The following UBASH3B variants were observed in gnomAD, a reference collection of about 807,000 sequenced individuals.
UBASH3B encodes the protein ubiquitin associated and SH3 domain containing B.
UBASH3B carries 37 observed loss-of-function variants against 83.4 expected under a neutral mutation model. The observed-to-expected ratio is 0.44, with a 90% CI of 0.34 to 0.58. The LOEUF (loss-of-function observed/expected upper bound fraction) is 0.58. Among genes scored for constraint, UBASH3B ranks in the 20% least tolerant of loss-of-function variants. The probability of loss-of-function intolerance (pLI) is 0.01; values close to 1 mark genes in which losing one functional copy is unlikely to be tolerated. For synonymous variants in UBASH3B, 304 were observed against 318.3 expected, an observed-to-expected ratio of 0.96 and a Z score of 0.48; for missense variants, 657 against 827.2, an observed-to-expected ratio of 0.79 and a Z score of 2.52.
intron 1 of UBASH3B, among the ~76,000 whole-genome samples, chr11:122,668,956 C>A (rs1863555988): frequency 6.6e-6 from 1 of 152,132 alleles, no homozygotes; most frequent in African/African-American, 2.4e-5. Flanking sequence ...GCCATCTCCA[C>A]CAAAGTAAAC....
At chr11:122,763,024 A>G (rs759077111) in intron 1 of UBASH3B, among the ~76,000 whole-genome samples, 5 of 152,228 alleles carry the variant, frequency 3.3e-5, no homozygotes, top group Non-Finnish European at 7.3e-5. Context: ...GGCCGTTATT[A>G]CCGCCATTTA....
rs150504773 is a variant in UBASH3B at position 122,701,136 on chromosome 11, C to T, written c.161+44926C>T. On this transcript the variant is annotated intron_variant, in intron 1 of 13. Transcript: ENST00000284273. ...TGGTTGTGTGATTTGTGTGATTCTG[C>T]TCCATCTGCTTTGAATTTCTTGGCT... Among the ~76,000 whole-genome samples the T allele has an allele frequency of 5.6e-3, 860 of 152,344 alleles. 6 individuals carry two copies. Among genetic ancestry groups the T allele is most frequent in the South Asian group, 0.02 (97 of 4,834 alleles).
intron 11 of UBASH3B, among the ~76,000 whole-genome samples, chr11:122,805,572 A>T (rs1861326314): frequency 6.6e-6 from 1 of 152,154 alleles, no homozygotes; most frequent in Admixed American, 6.5e-5. Flanking sequence ...CAAATAACAA[A>T]AAATAAATAA....
intron 8 of UBASH3B, among the ~76,000 whole-genome samples, chr11:122,796,542 G>T (rs191157152): frequency 4.7e-4 from 72 of 152,230 alleles, no homozygotes; most frequent in Admixed American, 2.7e-3. Context: ...GCAGAAACGT[G>T]CCCTGATCCT....
Position 122,783,057 on chromosome 11 carries a change from G to A in UBASH3B, c.606G>A (p.Val202=), listed in dbSNP as rs1168352814. 3.1e-6 allele frequency: 5 copies of A among 1,610,108 alleles called. No individual in the cohort carries two copies. The African/African-American group carries it at 5.4e-5, about 17-fold the overall frequency. ...FAAEAASKTE[V]HVEPHKKQLH... Reference sequence around the variant, plus strand: ...CCTTTTTCTTCCTTTTTCCAGAAGTGCATGTGGAACCTCATAAGAAGCAGC... The same window carrying A: ...CCTTTTTCTTCCTTTTTCCAGAAGTACATGTGGAACCTCATAAGAAGCAGC... The change falls in exon 5 of 14, where the codon GTG becomes GTA. Residue 202 remains valine (V), a synonymous_variant. Coordinates refer to ENST00000284273, the MANE Select transcript of UBASH3B (RefSeq NM_032873.5).
At chr11:122,767,301 G>A (rs532510580) in intron 1 of UBASH3B, among the ~76,000 whole-genome samples, 21 of 23,840 alleles carry the variant, frequency 8.8e-4, no homozygotes, top group Admixed American at 6.8e-3. Context: ...GATAGTAAAG[G>A]TTTCTTTTTG....
In UBASH3B at chr11:122,759,703, T is replaced by C. The variant is rs1416886690; in HGVS notation, c.162-16516T>C. ...CACGTGCAGTTCACAGTAGGGTTTGTGCTCCTGTGAGAATCTAATGCTGCC... is the reference window on the plus strand; with the variant it reads ...CACGTGCAGTTCACAGTAGGGTTTGCGCTCCTGTGAGAATCTAATGCTGCC... On this transcript the variant is annotated intron_variant, in intron 1 of 13. Transcript: ENST00000284273. This position sits in a 1 kb window ranked among gnomAD's most constrained non-coding sequence, Gnocchi z 4.1. 1.3e-5 allele frequency among the ~76,000 whole-genome samples: 2 copies of C among 152,192 alleles called. No individual in the cohort carries two copies. Among genetic ancestry groups the C allele is most frequent in the African/African-American group, 4.8e-5 (2 of 41,454 alleles).
chr11:122,659,096 G>C (rs1047125830), intron 1 of UBASH3B, among the ~76,000 whole-genome samples: 1 of 152,012 alleles, frequency 6.6e-6, no homozygotes, highest in East Asian at 1.9e-4. Flanking sequence ...AATCTTCCTT[G>C]GCATGTCTCT....
rs74604598 is a variant in UBASH3B at position 122,746,506 on chromosome 11, A to G, written c.162-29713A>G. 2.3e-3 allele frequency among the ~76,000 whole-genome samples: 348 copies of G among 152,338 alleles called. 1 individual carries two copies. Among genetic ancestry groups the G allele is most frequent in the African/African-American group, 7.7e-3 (321 of 41,576 alleles). Reference sequence around the variant, plus strand: ...TCAATCAATAAATTAAACACCTACTATGTGCTGGGCTTTGTGCTCAGGCCT... The same window carrying G: ...TCAATCAATAAATTAAACACCTACTGTGTGCTGGGCTTTGTGCTCAGGCCT... On this transcript the variant is annotated intron_variant, in intron 1 of 13. Coordinates refer to ENST00000284273, the MANE Select transcript of UBASH3B (RefSeq NM_032873.5).
chr11:122,811,465 A>G lies in UBASH3B; in HGVS notation c.*1579A>G, dbSNP rs1347677107. On this transcript the variant is annotated 3_prime_UTR_variant, in exon 14 of 14. Transcript: ENST00000284273. ...GGACATGAAAGGATGCTGGCTATAT[A>G]TGTTAATGAGCAAAAGGATTATAGT... 1 of 152,162 alleles carries G rather than the reference A, an allele frequency of 6.6e-6. No homozygotes were observed. Among genetic ancestry groups the G allele is most frequent in the Non-Finnish European group, 1.5e-5 (1 of 68,024 alleles). The allele number at this position is 152,162 out of a possible 1,614,324, so 9.4% of individuals were successfully genotyped here. A position where few individuals can be genotyped will look rare whatever the true frequency, so the allele number is the denominator to read the frequency against.
At chr11:122,715,907 C>A (rs770366540) in intron 1 of UBASH3B, among the ~76,000 whole-genome samples, 8 of 152,232 alleles carry the variant, frequency 5.3e-5, no homozygotes, top group African/African-American at 1.9e-4. Flanking sequence ...TGGTGTTCAA[C>A]CCCTTGAATT....
chr11:122,777,837 C>T (rs1016641151), intron 3 of UBASH3B, among the ~76,000 whole-genome samples: 13 of 152,182 alleles, frequency 8.5e-5, no homozygotes, highest in Non-Finnish European at 1.6e-4. Context: ...TCAAGCGATT[C>T]TCCTGCCTCA....
intron 1 of UBASH3B, among the ~76,000 whole-genome samples, chr11:122,668,715 G>A (rs1197129646): frequency 6.6e-6 from 1 of 152,186 alleles, no homozygotes. Context: ...ATCGAAATGA[G>A]GCAGTGGATA....
At chr11:122,762,255 T>G (rs1348345676) in intron 1 of UBASH3B, among the ~76,000 whole-genome samples, 1 of 152,202 alleles carries the variant, frequency 6.6e-6, no homozygotes, top group Non-Finnish European at 1.5e-5. Flanking sequence ...AATAGTTCAC[T>G]GCATACAAAT....
intron 12 of UBASH3B, among the ~76,000 whole-genome samples, chr11:122,807,662 C>A (rs1861364418): frequency 6.6e-6 from 1 of 152,078 alleles, no homozygotes; most frequent in African/African-American, 2.4e-5. Flanking sequence ...GTGATCCTCC[C>A]ACATCAGCCT....
chr11:122,707,627 G>A (rs977730093), intron 1 of UBASH3B, among the ~76,000 whole-genome samples: 1 of 152,122 alleles, frequency 6.6e-6, no homozygotes, highest in East Asian at 1.9e-4. Context: ...TCAGGTGGCA[G>A]TTAAAGGCTA....
chr11:122,657,506 C>G (rs1031698103), intron 1 of UBASH3B, among the ~76,000 whole-genome samples: 3 of 152,090 alleles, frequency 2.0e-5, no homozygotes, highest in Non-Finnish European at 4.4e-5. Flanking sequence ...CCAGGCTGGT[C>G]TCGAACTCCT....
Position 122,796,919 on chromosome 11 carries a change from A to G in UBASH3B, c.1243A>G (p.Ile415Val). 3 of 1,614,184 alleles carry G rather than the reference A, an allele frequency of 1.9e-6. No homozygotes were observed. The highest frequency in any genetic ancestry group is 2.5e-6 in the Non-Finnish European group (3 of 1,180,036). Reference protein sequence around the residue: ...SQCFDAKGRYIRTNLNMPHSL... With the variant: ...SQCFDAKGRYVRTNLNMPHSL... ...ACCTCTTTGTTTTTCAGGCCGCTAC[A>G]TACGCACCAACCTGAACATGCCTCA... Residue 415 changes from isoleucine to valine, a missense_variant, in exon 9 of 14, where the codon ATA (isoleucine) becomes GTA (valine). Coordinates refer to ENST00000284273, the MANE Select transcript of UBASH3B (RefSeq NM_032873.5).
rs111364510 is a variant in UBASH3B at position 122,767,373 on chromosome 11, C to T, written c.162-8846C>T. 3.8e-3 allele frequency among the ~76,000 whole-genome samples: 579 copies of T among 152,046 alleles called. 1 individual carries two copies. Among genetic ancestry groups the T allele is most frequent in the South Asian group, 9.5e-3 (46 of 4,824 alleles). ...TCACCCAGACTGGAGTGCAATGGCA[C>T]GATTTCGGCTCACTGCAACCTCTGT... On this transcript the variant is annotated intron_variant, in intron 1 of 13. Coordinates refer to ENST00000284273, the MANE Select transcript of UBASH3B (RefSeq NM_032873.5).
Sources: allele counts gnomAD v4.1 joint callset (sites outside exome capture counted in the v4.1 genomes callset), GRCh38; gene constraint gnomAD v4.1.1; non-coding constraint Gnocchi (gnomAD v3.1); transcripts MANE v1.5; gene names NCBI Gene and HGNC (gene_info 2026-07-23, HGNC 2026-07-21).